Variants in ANK2 observed in about 807,000 individuals in gnomAD.
The protein encoded by ANK2 is ankyrin 2.
A neutral mutation model predicts 360.5 loss-of-function variants in ANK2; 83 were observed. The observed-to-expected ratio is 0.23, with a 90% CI of 0.19 to 0.28. ANK2 has a LOEUF of 0.28. ANK2 is among the 10% of genes least tolerant of loss of function. The pLI is 1.00. For missense variants in ANK2, 4,201 were observed against 4,795.7 expected (o/e 0.88, Z 3.66); for synonymous variants, 1,740 against 1,759.5 (o/e 0.99, Z 0.28).
intron 17 of ANK2, among the ~76,000 whole-genome samples, chr4:113,279,913 A>C (rs1486384472): frequency 1.3e-5 from 2 of 151,958 alleles, no homozygotes; most frequent in African/African-American, 4.8e-5. Context: ...GTCTTTCTTT[A>C]CACTAGATTA....
intron 1 of ANK2, among the ~76,000 whole-genome samples, chr4:113,119,931 T>A (rs2095236550): frequency 6.6e-6 from 1 of 152,150 alleles, no homozygotes; most frequent in African/African-American, 2.4e-5. Context: ...TTAAAACATT[T>A]AAAATTAATT....
chr4:113,240,833 C>A (rs925634179), intron 8 of ANK2, among the ~76,000 whole-genome samples: 15 of 152,122 alleles, frequency 9.9e-5, no homozygotes, highest in African/African-American at 3.6e-4. Flanking sequence ...TTCATTCTGA[C>A]CAGTATGAAC....
chr4:113,034,536 A>G (rs1391559894), intron 2 of ANK2: 2 of 151,432 alleles, frequency 1.3e-5, no homozygotes, highest in Non-Finnish European at 3.0e-5. Context: ...CTTTTTATGC[A>G]TGTCCTTGAG....
At chr4:113,252,354 A>G (rs2046929487) in intron 10 of ANK2, among the ~76,000 whole-genome samples, 1 of 152,028 alleles carries the variant, frequency 6.6e-6, no homozygotes, top group African/African-American at 2.4e-5. Flanking sequence ...ACACAGCCAA[A>G]CCATATTACC....
intron 1 of ANK2, among the ~76,000 whole-genome samples, chr4:112,823,140 G>A (rs568664651): frequency 6.6e-6 from 1 of 152,214 alleles, no homozygotes; most frequent in Admixed American, 6.5e-5. Context: ...ATTAGATTGG[G>A]TGTTGTTTAA....
In ANK2 at chr4:112,850,432, T is replaced by C. The variant is rs113335467; in HGVS notation, c.-40+32168T>C. On this transcript the variant is annotated intron_variant, in intron 1 of 30. Coordinates refer to the ANK2 transcript ENST00000503271. Reference sequence around the variant, plus strand: ...CCTTGACAAGTACAGGGTTTAAGAGTTGTTGTTCGTTTCTTTTTTTTTTTT... The same window carrying C: ...CCTTGACAAGTACAGGGTTTAAGAGCTGTTGTTCGTTTCTTTTTTTTTTTT... Among the ~76,000 whole-genome samples, 474 of 125,602 alleles carry C rather than the reference T, an allele frequency of 3.8e-3. 5 individuals are homozygous for C. Among genetic ancestry groups the C allele is most frequent in the African/African-American group, 0.014 (447 of 31,582 alleles). 82.4% of individuals were successfully genotyped at this position (125,602 alleles called of 152,430 possible).
At chr4:112,994,462 A>G (rs1488543473) in intron 2 of ANK2, among the ~76,000 whole-genome samples, 3 of 152,208 alleles carry the variant, frequency 2.0e-5, no homozygotes, top group Admixed American at 6.5e-5. Context: ...TCAACAATTC[A>G]TAGGAGAATA....
At chr4:113,009,443 C>T (rs898531050) in intron 2 of ANK2, among the ~76,000 whole-genome samples, 2 of 152,060 alleles carry the variant, frequency 1.3e-5, no homozygotes, top group African/African-American at 4.8e-5. Flanking sequence ...TGAAAACATA[C>T]ATTAAGTACA....
chr4:113,358,089 A>G lies in ANK2; in HGVS notation c.9471A>G (p.Leu3157=), dbSNP rs1300523414. The change falls in exon 38 of 46, where the codon CTA becomes CTG. Residue 3157 remains leucine (L), a synonymous_variant. Coordinates refer to ENST00000357077, the MANE Select transcript of ANK2 (RefSeq NM_001148.6). The stretch of plus-strand genomic sequence containing the variant: ...AAGGGGCTACTGGGGCTGATCCCCT[A>G]CCGCTGGAGACATCAGCTGAATCAC... ...VKEGATGADP[L]PLETSAESLA... 5 of 1,613,976 alleles carry G rather than the reference A, an allele frequency of 3.1e-6. No homozygotes were observed. The highest frequency in any genetic ancestry group is 1.3e-5 in the African/African-American group (1 of 74,922).
intron 1 of ANK2, among the ~76,000 whole-genome samples, chr4:112,868,713 A>G (rs1172860791): frequency 6.6e-6 from 1 of 152,206 alleles, no homozygotes; most frequent in Non-Finnish European, 1.5e-5. Flanking sequence ...AAATTAGGGT[A>G]TAATTGACAA....
rs573217813 is a variant in ANK2 at position 113,246,764 on chromosome 4, A to G, written c.892-3000A>G. On this transcript the variant is annotated intron_variant, in intron 9 of 45. Coordinates refer to ENST00000357077, the MANE Select transcript of ANK2 (RefSeq NM_001148.6). ...GTAACAATAATGGTTTTCAATTGTC[A>G]TATGCATATGTTGTTCTAGGCACCC... Among the ~76,000 whole-genome samples, 23 of 152,310 alleles carry G rather than the reference A, an allele frequency of 1.5e-4. No individual in the cohort carries two copies. In the South Asian group the frequency reaches 4.6e-3, roughly 30 times the overall value.
the ANK2 span, among the ~76,000 whole-genome samples, chr4:112,777,339 C>T: frequency 4.6e-5 from 7 of 151,144 alleles, no homozygotes; most frequent in East Asian, 4.0e-4. Flanking sequence ...CCTGGATTCA[C>T]GCCATTCTCC....
chr4:112,979,208 G>A (rs900587016), intron 2 of ANK2, among the ~76,000 whole-genome samples: 1 of 152,198 alleles, frequency 6.6e-6, no homozygotes, highest in African/African-American at 2.4e-5. Context: ...AGGGGTGTGT[G>A]AGTGAGTGTG....
At chr4:113,012,254 TA>T (rs1420309868) in intron 2 of ANK2, among the ~76,000 whole-genome samples, 4 of 152,188 alleles carry the variant, frequency 2.6e-5, no homozygotes, top group African/African-American at 9.6e-5. Context: ...TTTATTTAAT[TA>T]CAGAACCATG....
At position 113,344,846 on chromosome 4, in the gene ANK2, T is replaced by G. The variant is rs561350184; in HGVS notation, c.4249-1054T>G. 2.0e-5 allele frequency among the ~76,000 whole-genome samples: 3 copies of G among 152,276 alleles called. No individual in the cohort carries two copies. The South Asian group carries it at 6.2e-4, about 32-fold the overall frequency. ...AGAGAAAGCATTTGTTTTTATTTAT[T>G]TTTTTGACCTCTCCTCGAAGTGAAA... On this transcript the variant is annotated intron_variant, in intron 34 of 45. Transcript: ENST00000357077.
chr4:113,183,787 T>C (rs2098461458), intron 2 of ANK2, among the ~76,000 whole-genome samples: 1 of 151,906 alleles, frequency 6.6e-6, no homozygotes, highest in Admixed American at 6.6e-5. Context: ...CATTGAGGAA[T>C]TCAAGAACCT....
chr4:113,094,915 A>C (rs1424585567), intron 1 of ANK2, among the ~76,000 whole-genome samples: 1 of 152,202 alleles, frequency 6.6e-6, no homozygotes, highest in African/African-American at 2.4e-5. Context: ...TAAAAAATTT[A>C]GGGTGTGGCT....
the ANK2 span, among the ~76,000 whole-genome samples, chr4:112,710,490 G>C: frequency 6.6e-6 from 1 of 152,116 alleles, no homozygotes; most frequent in Non-Finnish European, 1.5e-5. Context: ...GAGGTCAGGA[G>C]TTCAAGACCG....
rs1446135412 is a variant in ANK2, at chr4:113,097,860, G to GTATA, written c.84+48049_84+48050insATAT. Among the ~76,000 whole-genome samples the GTATA allele has an allele frequency of 1.6e-3, 88 of 54,296 alleles. 2 individuals carry two copies. In the South Asian group the frequency reaches 0.026, roughly 16 times the overall value. 35.6% of individuals were successfully genotyped at this position (54,296 alleles called of 152,430 possible). A position where few individuals can be genotyped will look rare whatever the true frequency, so the allele number is the denominator to read the frequency against. On this transcript the variant is annotated intron_variant, in intron 1 of 45. Coordinates refer to ENST00000357077, the MANE Select transcript of ANK2 (RefSeq NM_001148.6). ...TATATATGTGTGTGTGTGTGTGTGT[G>GTATA]TGTGTGTATATATATGCACACACAC...
Sources: allele counts gnomAD v4.1 joint callset (sites outside exome capture counted in the v4.1 genomes callset), GRCh38; gene constraint gnomAD v4.1.1; transcripts MANE v1.5; gene names NCBI Gene and HGNC (gene_info 2026-07-23, HGNC 2026-07-21).